The following CADM2 variants were observed in gnomAD, a reference collection of about 807,000 sequenced individuals.
CADM2 encodes the protein immunoglobulin superfamily member 4D.
Under a neutral mutation model 49.8 loss-of-function variants are expected in CADM2, and 12 were observed. The observed-to-expected ratio is 0.24, with a 90% CI of 0.15 to 0.39. The LOEUF is 0.39. CADM2 is among the 10% of genes least tolerant of loss of function. The pLI is 1.00. For synonymous variants in CADM2, 214 were observed against 175.4 expected, an observed-to-expected ratio of 1.22 and a Z score of -1.74; for missense variants, 378 against 492.3, an observed-to-expected ratio of 0.77 and a Z score of 2.20.
chr3:86,047,997 C>T, intron 8 of CADM2, among the ~76,000 whole-genome samples: 1 of 152,024 alleles, frequency 6.6e-6, no homozygotes, highest in East Asian at 1.9e-4. Flanking sequence ...TCTAACTTTT[C>T]AACTATGATG....
intron 8 of CADM2, among the ~76,000 whole-genome samples, chr3:86,059,134 G>A (rs951727467): frequency 1.3e-5 from 2 of 150,436 alleles, no homozygotes; most frequent in East Asian, 3.9e-4. Flanking sequence ...AGAATGAAAA[G>A]CTACTTGCAT....
intron 1 of CADM2, among the ~76,000 whole-genome samples, chr3:84,970,287 G>A (rs200649302): frequency 1.8e-5 from 2 of 108,992 alleles, no homozygotes; most frequent in East Asian, 4.7e-4. Flanking sequence ...TTTTTTTTTT[G>A]CATTTGAAAG....
intron 8 of CADM2, chr3:86,013,165 G>A (rs1731770557): frequency 7.4e-7 from 1 of 1,358,332 alleles, no homozygotes; most frequent in Non-Finnish European, 1.0e-6. Flanking sequence ...AAAGAACTGA[G>A]TGAAGACGAA....
chr3:85,210,408 C>T (rs149224446), intron 1 of CADM2, among the ~76,000 whole-genome samples: 33 of 151,926 alleles, frequency 2.2e-4, no homozygotes, highest in African/African-American at 5.8e-4. Context: ...CATTAATGTT[C>T]GTCAGGGATA....
intron 6 of CADM2, among the ~76,000 whole-genome samples, chr3:85,920,708 A>T (rs1327340630): frequency 4.0e-5 from 6 of 151,678 alleles, no homozygotes; most frequent in Non-Finnish European, 7.4e-5. Context: ...TTGAATCATC[A>T]GGTATTTTAA....
intron 1 of CADM2, among the ~76,000 whole-genome samples, chr3:85,045,219 G>A (rs560195528): frequency 4.5e-4 from 68 of 152,236 alleles, no homozygotes; most frequent in Middle Eastern, 3.4e-3. Flanking sequence ...TATTAATGTG[G>A]CGCAAGATTT....
At chr3:85,186,820 G>A (rs72909176) in intron 1 of CADM2, among the ~76,000 whole-genome samples, 10,856 of 152,130 alleles carry the variant, frequency 0.071, 1,287 homozygotes, top group African/African-American at 0.25. Context: ...CCAGTTAGTT[G>A]TAAGTGTATA....
intron 2 of CADM2, among the ~76,000 whole-genome samples, chr3:85,778,261 C>T (rs980223203): frequency 6.6e-6 from 1 of 152,046 alleles, no homozygotes; most frequent in African/African-American, 2.4e-5. Flanking sequence ...AAAGAAGAAT[C>T]CATATGTGTA....
chr3:85,533,243 A>G (rs769015885), intron 1 of CADM2, among the ~76,000 whole-genome samples: 1 of 152,196 alleles, frequency 6.6e-6, no homozygotes, highest in Non-Finnish European at 1.5e-5. Context: ...AACTTGGTCT[A>G]TGTAATTTCC....
At chr3:85,940,462 C>G (rs1559754763) in intron 7 of CADM2, among the ~76,000 whole-genome samples, 1 of 151,882 alleles carries the variant, frequency 6.6e-6, no homozygotes, top group Non-Finnish European at 1.5e-5. Context: ...GACGAAATGA[C>G]AAAATAAACT....
chr3:85,700,286 G>A (rs1298533600), intron 1 of CADM2, among the ~76,000 whole-genome samples: 1 of 152,092 alleles, frequency 6.6e-6, no homozygotes, highest in Non-Finnish European at 1.5e-5. Flanking sequence ...GTTGAACAAT[G>A]AGAACACATG....
At chr3:85,763,404 G>T (rs1330072314) in intron 2 of CADM2, among the ~76,000 whole-genome samples, 1 of 152,118 alleles carries the variant, frequency 6.6e-6, no homozygotes, top group Non-Finnish European at 1.5e-5. Context: ...TATTCAGAAT[G>T]CTGAAGTCCT....
chr3:85,044,520 C>T (rs2035572708), intron 1 of CADM2, among the ~76,000 whole-genome samples: 3 of 152,158 alleles, frequency 2.0e-5, no homozygotes, highest in African/African-American at 7.2e-5. Flanking sequence ...GGTTGGTGTA[C>T]CAACTTTGTA....
At chr3:86,044,769 T>C (rs1057241481) in intron 8 of CADM2, among the ~76,000 whole-genome samples, 7 of 152,176 alleles carry the variant, frequency 4.6e-5, no homozygotes, top group African/African-American at 1.4e-4. Context: ...CACATGTTTA[T>C]TGCGGCACTA....
intron 1 of CADM2, among the ~76,000 whole-genome samples, chr3:85,159,017 T>C (rs541954013): frequency 2.5e-4 from 38 of 152,156 alleles, no homozygotes; most frequent in Admixed American, 2.0e-4. Flanking sequence ...GAAGAAGTTA[T>C]AAGTTTTAAA....
At chr3:85,143,712 A>T (rs2107632706) in intron 1 of CADM2, among the ~76,000 whole-genome samples, 1 of 152,260 alleles carries the variant, frequency 6.6e-6, no homozygotes, top group East Asian at 1.9e-4. Context: ...TAAAAAAGTA[A>T]ATTCTCATCT....
At chr3:85,535,407 G>A (rs2061402877) in intron 1 of CADM2, among the ~76,000 whole-genome samples, 1 of 152,012 alleles carries the variant, frequency 6.6e-6, no homozygotes, top group South Asian at 2.1e-4. Flanking sequence ...TAATAAAATT[G>A]TCCATCTAAA....
intron 1 of CADM2, among the ~76,000 whole-genome samples, chr3:85,081,862 T>C (rs754748253): frequency 2.6e-5 from 4 of 152,144 alleles, no homozygotes; most frequent in South Asian, 2.1e-4. Context: ...TTTCAGAAAA[T>C]AAGACAAAGG....
At chr3:85,251,501 T>C (rs1485805772) in intron 1 of CADM2, among the ~76,000 whole-genome samples, 1 of 151,918 alleles carries the variant, frequency 6.6e-6, no homozygotes, top group African/African-American at 2.4e-5. Context: ...CATGAACTAA[T>C]ATAAGATTAC....
Sources: gnomAD v4.1 joint callset for allele counts (sites outside exome capture counted in the v4.1 genomes callset) on GRCh38, gnomAD v4.1.1 for gene constraint, MANE v1.5 for transcripts, NCBI Gene and HGNC (gene_info 2026-07-23, HGNC 2026-07-21) for gene names.